The following SEPTIN7 variants were observed in gnomAD, a reference collection of about 807,000 sequenced individuals.
SEPTIN7 encodes the protein septin-7.
A neutral mutation model predicts 63.3 loss-of-function variants in SEPTIN7; 10 were observed. The observed-to-expected ratio is 0.16, with a 90% confidence interval of 0.10 to 0.27. The LOEUF is 0.27. SEPTIN7 is among the 10% of genes least tolerant of loss of function. The probability of loss-of-function intolerance (pLI) is 1.00; values close to 1 mark genes in which losing one functional copy is unlikely to be tolerated. For synonymous variants in SEPTIN7, 131 were observed against 165.3 expected, an observed-to-expected ratio of 0.79 and a Z score of 1.59; for missense variants, 310 against 521.0, an observed-to-expected ratio of 0.59 and a Z score of 3.94.
rs1436172058 is a variant in SEPTIN7, at chr7:35,842,009, A to G, written c.169+9109A>G. The stretch of plus-strand genomic sequence containing the variant: ...TAATAATATCACCTTCTGCTTAGCT[A>G]TGACTACAGTCTAGCACCAAAGGAG... On this transcript the variant is annotated intron_variant, in intron 3 of 13. Transcript: ENST00000350320. Among the ~76,000 whole-genome samples, 4 of 152,312 alleles carry G rather than the reference A, an allele frequency of 2.6e-5. No individual in the cohort carries two copies. In the East Asian group the frequency reaches 7.7e-4, roughly 29 times the overall value.
At chr7:35,810,205 TAGTA>T (rs993150815) in intron 1 of SEPTIN7, among the ~76,000 whole-genome samples, 1 of 152,152 alleles carries the variant, frequency 6.6e-6, no homozygotes, top group African/African-American at 2.4e-5. Flanking sequence ...TTTTTATGTT[TAGTA>T]AGTGAGTTTG....
intron 1 of SEPTIN7, among the ~76,000 whole-genome samples, chr7:35,818,749 T>G (rs1472275741): frequency 6.6e-6 from 1 of 152,036 alleles, no homozygotes; most frequent in Non-Finnish European, 1.5e-5. Context: ...TAATCTGATC[T>G]GTTGTCAGCA....
chr7:35,884,125 T>C (rs1366134634), intron 9 of SEPTIN7, 138 bp downstream of exon 9: 1 of 506,026 alleles, frequency 2.0e-6, no homozygotes, highest in African/African-American at 2.0e-5. Context: ...TTCAGGTTCT[T>C]GTAGTCTCAA....
intron 10 of SEPTIN7, among the ~76,000 whole-genome samples, chr7:35,888,006 G>C (rs1008916943): frequency 2.6e-5 from 4 of 152,164 alleles, no homozygotes; most frequent in Non-Finnish European, 1.5e-5. Context: ...AAGTTCTCTT[G>C]CTAATTAAGA....
intron 6 of SEPTIN7, among the ~76,000 whole-genome samples, chr7:35,875,371 ACAGAATTTTATGTATAG>A (rs1160533781): frequency 1.9e-4 from 29 of 152,306 alleles, no homozygotes; most frequent in Middle Eastern, 3.4e-3. Flanking sequence ...GGAATATGAC[ACAGAATTTTATGTATAG>A]AGTTCCAGAT....
At chr7:35,832,378 G>A (rs1228864386) in intron 2 of SEPTIN7, among the ~76,000 whole-genome samples, 1 of 151,994 alleles carries the variant, frequency 6.6e-6, no homozygotes, top group South Asian at 2.1e-4. Flanking sequence ...CATGCCTGTG[G>A]TATAATTAGT....
At chr7:35,819,492 T>G (rs530965786) in intron 1 of SEPTIN7, among the ~76,000 whole-genome samples, 1 of 152,162 alleles carries the variant, frequency 6.6e-6, no homozygotes, top group African/African-American at 2.4e-5. Flanking sequence ...GTCTTCTGCT[T>G]CTTTATCATC....
At chr7:35,875,772 T>C (rs986471417) in intron 6 of SEPTIN7, among the ~76,000 whole-genome samples, 13 of 151,860 alleles carry the variant, frequency 8.6e-5, no homozygotes, top group African/African-American at 3.1e-4. Context: ...TTTTCTCTTA[T>C]ACATACATAC....
At chr7:35,869,146 G>A (rs1281071367) in intron 4 of SEPTIN7, among the ~76,000 whole-genome samples, 2 of 152,108 alleles carry the variant, frequency 1.3e-5, no homozygotes, top group East Asian at 3.9e-4. Context: ...GAAGGAGGTT[G>A]CTAATAGAAA....
intron 3 of SEPTIN7, among the ~76,000 whole-genome samples, chr7:35,850,569 C>T (rs923071186): frequency 2.0e-5 from 3 of 152,180 alleles, no homozygotes; most frequent in Non-Finnish European, 2.9e-5. Flanking sequence ...CTCCTTGAAT[C>T]TACAGATATC....
intron 1 of SEPTIN7, among the ~76,000 whole-genome samples, chr7:35,826,187 T>C (rs1783505116): frequency 6.6e-6 from 1 of 151,926 alleles, no homozygotes; most frequent in Non-Finnish European, 1.5e-5. Flanking sequence ...TGAGAGATGG[T>C]AGGAATTTGA....
chr7:35,801,230 C>A lies in SEPTIN7; in HGVS notation c.21C>A (p.Ser7=). 1 of 1,533,016 alleles carries A rather than the reference C, an allele frequency of 6.5e-7. No homozygotes were observed. Among genetic ancestry groups the A allele is most frequent in the Non-Finnish European group, 8.8e-7 (1 of 1,140,660 alleles). The allele number at this position is 1,533,016 out of a possible 1,614,324, so 95.0% of individuals were successfully genotyped here. The part of the protein sequence containing the change: MSVSAR[S]AAAEERSVNS... ...AGGGGATGTCGGTCAGTGCGAGATC[C>A]GCTGCTGCTGAGGAGAGGAGCGTCA... is the stretch of plus-strand genomic sequence containing the variant. Residue 7 remains serine (S), a synonymous_variant, in exon 1 of 14, where the codon TCC becomes TCA. Coordinates refer to ENST00000350320, the MANE Select transcript of SEPTIN7 (RefSeq NM_001788.6).
chr7:35,884,041 A>C, intron 9 of SEPTIN7, 54 bp downstream of exon 9: 1 of 1,118,962 alleles, frequency 8.9e-7, no homozygotes, highest in Non-Finnish European at 1.4e-6. Flanking sequence ...CTGATTAAAA[A>C]TTTGTATTTA....
chr7:35,857,922 A>G (rs893957425), intron 3 of SEPTIN7, among the ~76,000 whole-genome samples: 4 of 152,022 alleles, frequency 2.6e-5, no homozygotes, highest in African/African-American at 9.7e-5. Flanking sequence ...CTAGTCCTTA[A>G]CTAGGAAAAC....
chr7:35,868,099 A>G (rs1785930122), intron 4 of SEPTIN7, among the ~76,000 whole-genome samples: 1 of 151,982 alleles, frequency 6.6e-6, no homozygotes, highest in Admixed American at 6.5e-5. Context: ...CGAACTCCCG[A>G]CCTCAACTGA....
At chr7:35,823,894 C>G (rs960956520) in intron 1 of SEPTIN7, among the ~76,000 whole-genome samples, 53 of 151,780 alleles carry the variant, frequency 3.5e-4, no homozygotes, top group African/African-American at 1.1e-3. Flanking sequence ...TGTTTTATAT[C>G]TGGTACTTAG....
At chr7:35,833,485 T>C (rs1312855675) in intron 3 of SEPTIN7, among the ~76,000 whole-genome samples, 1 of 151,998 alleles carries the variant, frequency 6.6e-6, no homozygotes, top group Non-Finnish European at 1.5e-5. Flanking sequence ...TTAAGGATAA[T>C]TTTGACTGTA....
chr7:35,834,659 G>A (rs955042758), intron 3 of SEPTIN7, among the ~76,000 whole-genome samples: 1 of 152,008 alleles, frequency 6.6e-6, no homozygotes, highest in East Asian at 1.9e-4. Flanking sequence ...ATTGAGTGCA[G>A]GTATTAAATA....
intron 3 of SEPTIN7, among the ~76,000 whole-genome samples, chr7:35,835,725 G>A (rs998641322): frequency 2.6e-5 from 4 of 152,162 alleles, no homozygotes; most frequent in African/African-American, 9.7e-5. Context: ...TTATTCCACT[G>A]GAATGAGCAT....
Sources: allele counts gnomAD v4.1 joint callset (sites outside exome capture counted in the v4.1 genomes callset), GRCh38; gene constraint gnomAD v4.1.1; transcripts MANE v1.5; gene names NCBI Gene and HGNC (gene_info 2026-07-23, HGNC 2026-07-21).